Variants in CCSER1 observed in about 807,000 individuals in gnomAD.
CCSER1 encodes coiled-coil serine rich protein 1.
A neutral mutation model predicts 82.0 loss-of-function variants in CCSER1; 41 were observed. The ratio of observed to expected loss-of-function variants is 0.50; its 90% CI spans 0.39 to 0.65. CCSER1 has a LOEUF of 0.65. Among genes scored for constraint, CCSER1 ranks in the 30% least tolerant of loss-of-function variants. CCSER1 has a pLI of 0.00. For missense variants in CCSER1, 1,119 were observed against 1,064.2 expected (o/e 1.05, Z -0.72); for synonymous variants, 414 against 383.9 (o/e 1.08, Z -0.92).
chr4:90,209,647 G>C (rs1028592384), intron 1 of CCSER1, among the ~76,000 whole-genome samples: 3 of 152,110 alleles, frequency 2.0e-5, no homozygotes, highest in Non-Finnish European at 4.4e-5. Context: ...CATGTTTTCT[G>C]TGTGTGGCAT....
intron 10 of CCSER1, among the ~76,000 whole-genome samples, chr4:91,490,258 G>C (rs1758446362): frequency 6.6e-6 from 1 of 152,052 alleles, no homozygotes; most frequent in African/African-American, 2.4e-5. Context: ...CCCGAAGAAA[G>C]AAAAACAGTA....
intron 10 of CCSER1, among the ~76,000 whole-genome samples, chr4:91,195,179 T>C (rs1020746605): frequency 2.0e-5 from 3 of 152,196 alleles, no homozygotes; most frequent in Middle Eastern, 3.2e-3. Flanking sequence ...TTGATGCAAA[T>C]GTTTAAGTGA....
At chr4:91,029,474 T>A (rs1740784981) in intron 9 of CCSER1, among the ~76,000 whole-genome samples, 1 of 152,058 alleles carries the variant, frequency 6.6e-6, no homozygotes, top group Admixed American at 6.6e-5. Flanking sequence ...ATTTACTACA[T>A]GCTTTCTCTA....
At chr4:90,714,456 A>T (rs1053265917) in intron 6 of CCSER1, among the ~76,000 whole-genome samples, 4 of 151,938 alleles carry the variant, frequency 2.6e-5, no homozygotes, top group African/African-American at 9.7e-5. Flanking sequence ...TACCAAGAAT[A>T]TTTAATAAGA....
At chr4:91,252,370 T>C (rs1168910734) in intron 10 of CCSER1, among the ~76,000 whole-genome samples, 3 of 152,022 alleles carry the variant, frequency 2.0e-5, no homozygotes, top group African/African-American at 7.2e-5. Context: ...GGACACAAAA[T>C]AATAACTTAA....
intron 10 of CCSER1, among the ~76,000 whole-genome samples, chr4:91,357,887 C>CCTT (rs1491267861): frequency 5.4e-5 from 3 of 55,146 alleles, no homozygotes; most frequent in African/African-American, 1.4e-4. Flanking sequence ...CCCCCCCCCC[C>CCTT]TTTTTTTTTT....
chr4:90,983,816 A>C (rs1205450378), intron 9 of CCSER1, among the ~76,000 whole-genome samples: 2 of 151,700 alleles, frequency 1.3e-5, no homozygotes, highest in African/African-American at 4.8e-5. Flanking sequence ...TCTGTGCACT[A>C]TTCTTTTCCT....
At chr4:90,867,867 G>C (rs1765937596) in intron 8 of CCSER1, among the ~76,000 whole-genome samples, 1 of 151,832 alleles carries the variant, frequency 6.6e-6, no homozygotes, top group Admixed American at 6.6e-5. Flanking sequence ...TTGTTCCGAA[G>C]GACAGGATCT....
intron 5 of CCSER1, among the ~76,000 whole-genome samples, chr4:90,534,957 T>G (rs568192542): frequency 4.7e-4 from 71 of 152,316 alleles, no homozygotes; most frequent in Admixed American, 1.4e-3. Context: ...TTGGATCTAC[T>G]GAATCAGAAT....
intron 8 of CCSER1, among the ~76,000 whole-genome samples, chr4:90,872,359 C>T (rs1365443647): frequency 6.6e-6 from 1 of 151,506 alleles, no homozygotes; most frequent in Non-Finnish European, 1.5e-5. Flanking sequence ...ATTTGTGTAT[C>T]GATTGCAGTT....
At chr4:90,821,410 C>T (rs1033166033) in intron 8 of CCSER1, among the ~76,000 whole-genome samples, 1 of 151,964 alleles carries the variant, frequency 6.6e-6, no homozygotes, top group African/African-American at 2.4e-5. Context: ...GGAAAAGAAC[C>T]AACGTTCAGA....
chr4:90,304,349 G>A lies in CCSER1; in HGVS notation c.-41-3895G>A, dbSNP rs1423238283. On this transcript the variant is annotated intron_variant, in intron 1 of 10. Coordinates refer to ENST00000509176, the MANE Select transcript of CCSER1 (RefSeq NM_001145065.2). Reference sequence around the variant, plus strand: ...TGCTGCTATAAAGACACATGCACACGTATGTTTATTGCGGCATTATTCACA... The same window carrying A: ...TGCTGCTATAAAGACACATGCACACATATGTTTATTGCGGCATTATTCACA... 5.3e-5 allele frequency among the ~76,000 whole-genome samples: 8 copies of A among 152,270 alleles called. No homozygotes were observed. In the South Asian group the frequency reaches 6.2e-4, roughly 12 times the overall value.
At chr4:91,251,547 T>C (rs1740263171) in intron 10 of CCSER1, among the ~76,000 whole-genome samples, 2 of 152,194 alleles carry the variant, frequency 1.3e-5, no homozygotes, top group Admixed American at 1.3e-4. Flanking sequence ...CATGTAGTTA[T>C]CTGGCATATA....
intron 10 of CCSER1, among the ~76,000 whole-genome samples, chr4:91,174,379 G>T (rs34329948): frequency 0.36 from 54,737 of 151,950 alleles, 11,125 homozygotes; most frequent in Non-Finnish European, 0.46. Context: ...TGATGCAAGA[G>T]TATAATTATA....
At chr4:90,195,834 A>G (rs568208791) in intron 1 of CCSER1, among the ~76,000 whole-genome samples, 2 of 152,230 alleles carry the variant, frequency 1.3e-5, no homozygotes, top group Admixed American at 1.3e-4. Flanking sequence ...AGCAATATTT[A>G]TTTCAACACA....
At chr4:90,489,387 G>C (rs1560599899) in intron 5 of CCSER1, among the ~76,000 whole-genome samples, 1 of 152,106 alleles carries the variant, frequency 6.6e-6, no homozygotes, top group Non-Finnish European at 1.5e-5. Context: ...CTTTAAAACA[G>C]TTTTAGGGAG....
At chr4:91,340,274 A>G (rs1412369473) in intron 10 of CCSER1, among the ~76,000 whole-genome samples, 1 of 152,228 alleles carries the variant, frequency 6.6e-6, no homozygotes, top group African/African-American at 2.4e-5. Context: ...CATTGTGAGT[A>G]ACTGAAACAG....
chr4:91,370,165 CAG>C (rs1277964952), intron 10 of CCSER1, among the ~76,000 whole-genome samples: 2 of 152,074 alleles, frequency 1.3e-5, no homozygotes. Context: ...AGTTCTGCTG[CAG>C]AGTTAAGTCT....
intron 10 of CCSER1, among the ~76,000 whole-genome samples, chr4:91,269,713 C>T (rs889759525): frequency 3.3e-5 from 5 of 152,194 alleles, no homozygotes; most frequent in African/African-American, 1.2e-4. Context: ...TCTTATATAA[C>T]TCAGATATTT....
Sources: allele counts gnomAD v4.1 joint callset (sites outside exome capture counted in the v4.1 genomes callset), GRCh38; gene constraint gnomAD v4.1.1; transcripts MANE v1.5; gene names NCBI Gene and HGNC (gene_info 2026-07-23, HGNC 2026-07-21).